The following YES1 variants were observed in gnomAD, a reference collection of about 807,000 sequenced individuals.
The protein encoded by YES1 is YES proto-oncogene 1, Src family tyrosine kinase.
YES1 carries 39 observed loss-of-function variants against 70.4 expected under a neutral mutation model. The observed-to-expected ratio is 0.55, with a 90% confidence interval of 0.43 to 0.72. The LOEUF (loss-of-function observed/expected upper bound fraction) is 0.72. Among genes scored for constraint, YES1 ranks in the 30% least tolerant of loss-of-function variants. The probability of loss-of-function intolerance (pLI) is 0.00; values close to 1 mark genes in which losing one functional copy is unlikely to be tolerated. For missense variants in YES1, 495 were observed against 644.8 expected (o/e 0.77, Z 2.52); for synonymous variants, 198 against 218.6 (o/e 0.91, Z 0.83).
intron 1 of YES1, among the ~76,000 whole-genome samples, chr18:810,966 T>C (rs551287694): frequency 3.3e-5 from 5 of 152,164 alleles, no homozygotes; most frequent in Non-Finnish European, 5.9e-5. Context: ...GTTAAGATAT[T>C]AGATTTACCA....
intron 1 of YES1, 131 bp from the exon 2 acceptor site, chr18:756,966 TAGAA>T (rs1417466926): frequency 4.3e-6 from 4 of 934,724 alleles, no homozygotes; most frequent in African/African-American, 3.3e-5. Flanking sequence ...AAACAAAAAA[TAGAA>T]AGCTGAAAAC....
At chr18:774,487 A>G (rs1307794652) in intron 1 of YES1, among the ~76,000 whole-genome samples, 1 of 152,152 alleles carries the variant, frequency 6.6e-6, no homozygotes, top group African/African-American at 2.4e-5. Context: ...CTCCTCCTGC[A>G]ATCTTCCCCA....
intron 1 of YES1, among the ~76,000 whole-genome samples, chr18:764,141 G>C (rs953657697): frequency 6.6e-6 from 1 of 151,382 alleles, no homozygotes; most frequent in Non-Finnish European, 1.5e-5. Flanking sequence ...AAAAGAAAAA[G>C]TCATTCATTC....
chr18:742,872 T>C, intron 8 of YES1, 46 bp downstream of exon 8: 1 of 1,479,788 alleles, frequency 6.8e-7, no homozygotes, highest in Non-Finnish European at 9.0e-7. Context: ...TCAAGACTCT[T>C]AAAAACATTA....
intron 1 of YES1, among the ~76,000 whole-genome samples, chr18:802,897 C>G (rs764108599): frequency 6.6e-6 from 1 of 151,844 alleles, no homozygotes; most frequent in East Asian, 1.9e-4. Flanking sequence ...GCCTGGGCAA[C>G]AAGGTGAAAC....
At chr18:724,780 G>A in intron 11 of YES1, 148 bp from the exon 12 acceptor site, 1 of 632,518 alleles carries the variant, frequency 1.6e-6, no homozygotes, top group Non-Finnish European at 2.7e-6. Context: ...TTTTAAACAT[G>A]AGAATATCAA....
intron 1 of YES1, among the ~76,000 whole-genome samples, chr18:784,774 T>C (rs1268497068): frequency 6.6e-6 from 1 of 152,208 alleles, no homozygotes; most frequent in African/African-American, 2.4e-5. Context: ...TTAAAAACCA[T>C]TGTTACTCTA....
intron 1 of YES1, among the ~76,000 whole-genome samples, chr18:784,512 A>G (rs1044023874): frequency 1.6e-4 from 24 of 152,270 alleles, no homozygotes; most frequent in Admixed American, 6.5e-5. Context: ...TTAAAACAAT[A>G]CAAACGTATT....
rs115371231 is a variant in YES1 at position 808,639 on chromosome 18, C to T, written c.-9+3475G>A. Among the ~76,000 whole-genome samples the T allele has an allele frequency of 4.5e-3, 681 of 152,292 alleles. 4 individuals are homozygous for T. The highest frequency in any genetic ancestry group is 0.016 in the African/African-American group (650 of 41,558). ...TATTCACACAACAAAGCGTGCACCA[C>T]AAACATCACCTTTATAACATGACTG... On this transcript the variant is annotated intron_variant, in intron 1 of 11. Coordinates refer to ENST00000314574, the MANE Select transcript of YES1 (RefSeq NM_005433.4).
intron 1 of YES1, among the ~76,000 whole-genome samples, chr18:764,625 T>C (rs1349850037): frequency 2.6e-5 from 4 of 152,220 alleles, no homozygotes; most frequent in Non-Finnish European, 5.9e-5. Flanking sequence ...TTTAGGTTCA[T>C]GCTGTGAAGT....
At chr18:759,849 T>TCC (rs1183126756) in intron 1 of YES1, among the ~76,000 whole-genome samples, 1 of 150,444 alleles carries the variant, frequency 6.6e-6, no homozygotes, top group Non-Finnish European at 1.5e-5. Context: ...CCTAATGCTA[T>TCC]CCTTCCCCCC....
chr18:791,138 T>C (rs1906225812), intron 1 of YES1, among the ~76,000 whole-genome samples: 1 of 151,438 alleles, frequency 6.6e-6, no homozygotes, highest in Non-Finnish European at 1.5e-5. Context: ...TAATCCCAGC[T>C]TCTCGGGAGG....
At position 746,044 on chromosome 18, in the gene YES1, A is replaced by C. The variant is rs1378147464; in HGVS notation, c.478T>G (p.Phe160Val). 1 of 1,610,288 alleles carries C rather than the reference A, an allele frequency of 6.2e-7. No individual in the cohort carries two copies. Among genetic ancestry groups the C allele is most frequent in the South Asian group, 1.1e-5 (1 of 90,664 alleles). The change falls in exon 5 of 12, where the codon TTT becomes GTT. Residue 160 changes from phenylalanine (F) to valine (V), a missense_variant. By Grantham distance (50) the Phe-to-Val change is conservative. Transcript: ENST00000314574. ...ADSIQAEEWY[F>V]GKMGRKDAER... ...GCATCTTTTCTCCCCATTTTGCCAA[A>C]ATACCATCTGGAAAAAAATTAAGTG...
rs559735874 is a variant in YES1 at position 785,982 on chromosome 18, C to T, written c.-9+26132G>A. Among the ~76,000 whole-genome samples, 6 of 152,240 alleles carry T rather than the reference C, an allele frequency of 3.9e-5. No individual in the cohort carries two copies. The East Asian group carries it at 1.2e-3, about 29-fold the overall frequency. Reference sequence around the variant, plus strand: ...TCCCTCACTCTAACCCTCTCTCAGCCTCTTGCCTTCCACCATGAGATAACA... The same window carrying T: ...TCCCTCACTCTAACCCTCTCTCAGCTTCTTGCCTTCCACCATGAGATAACA... On this transcript the variant is annotated intron_variant, in intron 1 of 11. Coordinates refer to ENST00000314574, the MANE Select transcript of YES1 (RefSeq NM_005433.4).
chr18:732,199 G>T (rs1339273520), intron 11 of YES1, among the ~76,000 whole-genome samples: 1 of 151,888 alleles, frequency 6.6e-6, no homozygotes, highest in East Asian at 1.9e-4. Context: ...AGCACTTTGG[G>T]AGGCCTAGGC....
intron 3 of YES1, 72 bp from the exon 4 acceptor site, chr18:748,090 T>C: frequency 8.0e-7 from 1 of 1,254,344 alleles, no homozygotes; most frequent in Non-Finnish European, 1.2e-6. Flanking sequence ...CAGTGCTATC[T>C]TGTATCTGAA....
intron 4 of YES1, among the ~76,000 whole-genome samples, chr18:747,682 TAA>T (rs1028720861): frequency 4.6e-5 from 7 of 152,140 alleles, no homozygotes; most frequent in African/African-American, 1.7e-4. Flanking sequence ...AGTGAAAACA[TAA>T]AAGAGAGAGA....
chr18:794,009 G>A lies in YES1; in HGVS notation c.-9+18105C>T, dbSNP rs181455448. Among the ~76,000 whole-genome samples, 7 of 152,230 alleles carry A rather than the reference G, an allele frequency of 4.6e-5. No individual in the cohort carries two copies. In the East Asian group the frequency reaches 9.6e-4, roughly 21 times the overall value. On this transcript the variant is annotated intron_variant, in intron 1 of 11. Coordinates refer to ENST00000314574, the MANE Select transcript of YES1 (RefSeq NM_005433.4). ...TAAGAGAGCTACACATTCAGCACACGTATCCCAGAACAACTCTTACTGCAA... is the reference window on the plus strand; with the variant it reads ...TAAGAGAGCTACACATTCAGCACACATATCCCAGAACAACTCTTACTGCAA...
At position 747,957 on chromosome 18, in the gene YES1, T is replaced by C; in HGVS notation, c.433A>G (p.Asn145Asp). 6.2e-7 allele frequency: 1 copy of C among 1,613,836 alleles called. No homozygotes were observed. Among genetic ancestry groups the C allele is most frequent in the South Asian group, 1.1e-5 (1 of 91,068 alleles). The change falls in exon 4 of 12, where the codon AAT becomes GAT. Residue 145 changes from asparagine to aspartate, a missense_variant. By Grantham distance (23) the Asn-to-Asp change is conservative. Around this residue, in one of 2 missense-constraint regions of YES1, gnomAD observed 385 missense variants for 540.9 expected, o/e 0.71. Transcript: ENST00000314574. ...ATGGAATCTGCAGGCGCTACATAAT[T>C]GCTCGGGATATAACCATTCTTTCCT... ...ATGKNGYIPS[N>D]YVAPADSIQA...
Sources: gnomAD v4.1 joint callset for allele counts (sites outside exome capture counted in the v4.1 genomes callset) on GRCh38, gnomAD v4.1.1 for gene constraint, gnomAD v4.1.1 regional missense constraint, MANE v1.5 for transcripts, NCBI Gene and HGNC (gene_info 2026-07-23, HGNC 2026-07-21) for gene names.